Variants in PDE1A observed in about 807,000 individuals in gnomAD.
PDE1A encodes the protein dual specificity calcium/calmodulin-dependent 3',5'-cyclic nucleotide phosphodiesterase 1A.
PDE1A carries 35 observed loss-of-function variants against 61.7 expected under a neutral mutation model. The ratio of observed to expected loss-of-function variants is 0.57; its 90% CI spans 0.43 to 0.75. The LOEUF (loss-of-function observed/expected upper bound fraction) is 0.75. Ranked by LOEUF, PDE1A falls within the 30% of genes least tolerant of loss-of-function variation. PDE1A has a pLI of 0.00. For synonymous variants in PDE1A, 232 were observed against 213.2 expected (o/e 1.09, Z -0.77); for missense variants, 597 against 630.6 (o/e 0.95, Z 0.57).
intron 1 of PDE1A, among the ~76,000 whole-genome samples, chr2:182,360,798 T>C (rs1699459072): frequency 6.6e-6 from 1 of 151,986 alleles, no homozygotes; most frequent in South Asian, 2.1e-4. Context: ...AATTCAGCCC[T>C]GTACTCAGTT....
At chr2:182,597,039 G>A in the PDE1A span, among the ~76,000 whole-genome samples, 1 of 151,522 alleles carries the variant, frequency 6.6e-6, no homozygotes, top group Non-Finnish European at 1.5e-5. Flanking sequence ...TGCAGTCCCA[G>A]CTGCTCAAGA....
At chr2:182,298,169 A>G (rs976607969) in intron 1 of PDE1A, among the ~76,000 whole-genome samples, 5 of 152,206 alleles carry the variant, frequency 3.3e-5, no homozygotes, top group African/African-American at 1.2e-4. Flanking sequence ...GATAAAATAC[A>G]AATGGAAGAA....
chr2:182,234,589 A>G, intron 3 of PDE1A, 91 bp from the exon 4 acceptor site: 2 of 814,450 alleles, frequency 2.5e-6, no homozygotes, highest in South Asian at 3.1e-5. Flanking sequence ...ATTACTTTTG[A>G]CATGTTCACC....
chr2:182,485,029 G>A (rs990853275), intron 2 of PDE1A, among the ~76,000 whole-genome samples: 1 of 151,854 alleles, frequency 6.6e-6, no homozygotes, highest in Non-Finnish European at 1.5e-5. Flanking sequence ...AAACCCAGAG[G>A]AATATAAATC....
chr2:182,250,927 C>T (rs1691353818), intron 2 of PDE1A, among the ~76,000 whole-genome samples: 1 of 151,972 alleles, frequency 6.6e-6, no homozygotes, highest in Non-Finnish European at 1.5e-5. Context: ...AGGGGAAGGG[C>T]CTGAGAAAGA....
At chr2:182,446,571 A>G (rs956055459) in intron 2 of PDE1A, among the ~76,000 whole-genome samples, 3 of 152,136 alleles carry the variant, frequency 2.0e-5, no homozygotes, top group Non-Finnish European at 2.9e-5. Flanking sequence ...TTTGCTTTGA[A>G]GCAAAGAGCA....
chr2:182,635,197 G>T, the PDE1A span, among the ~76,000 whole-genome samples: 1 of 150,436 alleles, frequency 6.6e-6, no homozygotes, highest in African/African-American at 2.4e-5. Context: ...AGAATTTTTT[G>T]ATGTTGCTTT....
chr2:182,692,668 T>G, the PDE1A span, among the ~76,000 whole-genome samples: 1 of 147,696 alleles, frequency 6.8e-6, no homozygotes, highest in African/African-American at 2.5e-5. Context: ...TAAAGTATAA[T>G]AAAAATATAT....
intron 1 of PDE1A, among the ~76,000 whole-genome samples, chr2:182,293,105 A>T (rs1694646406): frequency 6.6e-6 from 1 of 152,058 alleles, no homozygotes; most frequent in Admixed American, 6.6e-5. Flanking sequence ...GAACCTTTCC[A>T]TTCATTAGCT....
the PDE1A span, among the ~76,000 whole-genome samples, chr2:182,632,335 T>G: frequency 6.6e-6 from 1 of 152,184 alleles, no homozygotes; most frequent in Non-Finnish European, 1.5e-5. Context: ...ACTGATGATG[T>G]TTTACAATCG....
intron 1 of PDE1A, among the ~76,000 whole-genome samples, chr2:182,403,578 G>A (rs1408818124): frequency 3.9e-4 from 53 of 135,906 alleles, no homozygotes; most frequent in Middle Eastern, 9.8e-3. Context: ...CAGCCTGGGC[G>A]ACAGAGCCAG....
At chr2:182,389,118 G>C (rs1701278377) in intron 1 of PDE1A, among the ~76,000 whole-genome samples, 1 of 152,150 alleles carries the variant, frequency 6.6e-6, no homozygotes, top group East Asian at 1.9e-4. Flanking sequence ...AGATACTTTT[G>C]TAAGTAATGA....
At chr2:182,338,341 G>A (rs1293526229) in intron 1 of PDE1A, among the ~76,000 whole-genome samples, 2 of 152,168 alleles carry the variant, frequency 1.3e-5, no homozygotes, top group Admixed American at 6.5e-5. Flanking sequence ...AAATGAGCGT[G>A]TAAAATGCTT....
chr2:182,708,355 GA>G, the PDE1A span, among the ~76,000 whole-genome samples: 2 of 151,948 alleles, frequency 1.3e-5, no homozygotes, highest in African/African-American at 2.4e-5. Context: ...ATGTTATTAT[GA>G]AAAAATTATA....
At chr2:182,187,302 A>C (rs1441472616) in intron 11 of PDE1A, among the ~76,000 whole-genome samples, 2 of 152,240 alleles carry the variant, frequency 1.3e-5, no homozygotes, top group African/African-American at 4.8e-5. Flanking sequence ...AGAAAATGAC[A>C]CACAGAGAAA....
At chr2:182,395,395 G>C (rs559264462) in intron 1 of PDE1A, among the ~76,000 whole-genome samples, 1 of 152,154 alleles carries the variant, frequency 6.6e-6, no homozygotes, top group Non-Finnish European at 1.5e-5. Context: ...GGACTTATTG[G>C]TGAGACATTT....
intron 2 of PDE1A, among the ~76,000 whole-genome samples, chr2:182,482,279 T>C (rs1162895217): frequency 6.6e-6 from 1 of 151,930 alleles, no homozygotes; most frequent in East Asian, 1.9e-4. Context: ...TAAACTGCTA[T>C]AAGACAAACA....
the PDE1A span, among the ~76,000 whole-genome samples, chr2:182,642,994 A>C: frequency 6.6e-6 from 1 of 152,302 alleles, no homozygotes; most frequent in Admixed American, 6.5e-5. Context: ...ATGGAAAATC[A>C]GAGGTTACAA....
the PDE1A span, among the ~76,000 whole-genome samples, chr2:182,646,149 T>C: frequency 6.6e-6 from 1 of 152,100 alleles, no homozygotes; most frequent in South Asian, 2.1e-4. Context: ...TGGTCATGGC[T>C]AATTACATTA....
Sources: gnomAD v4.1 joint callset for allele counts (sites outside exome capture counted in the v4.1 genomes callset) on GRCh38, gnomAD v4.1.1 for gene constraint, MANE v1.5 for transcripts, NCBI Gene and HGNC (gene_info 2026-07-23, HGNC 2026-07-21) for gene names.